PIK3C2A: variants seen among roughly 807,000 people sequenced by gnomAD.
PIK3C2A encodes the protein phosphatidylinositol-4-phosphate 3-kinase catalytic subunit type 2 alpha, also known as phosphatidylinositol 4-phosphate 3-kinase C2 domain-containing subunit alpha.
Under a neutral mutation model 204.5 loss-of-function variants are expected in PIK3C2A, and 97 were observed. That is an observed-to-expected ratio of 0.47 (90% CI 0.40 to 0.56). The LOEUF (loss-of-function observed/expected upper bound fraction) is 0.56, where lower values mean the gene tolerates loss of function less well. Ranked by LOEUF, PIK3C2A falls within the 20% of genes least tolerant of loss-of-function variation. The probability of loss-of-function intolerance (pLI) is 0.00; values close to 1 mark genes in which losing one functional copy is unlikely to be tolerated. For synonymous variants in PIK3C2A, 653 were observed against 664.4 expected (o/e 0.98, Z 0.26); for missense variants, 1,735 against 1,969.2 (o/e 0.88, Z 2.25).
intron 8 of PIK3C2A, among the ~76,000 whole-genome samples, chr11:17,143,268 T>A (rs1359173478): frequency 3.3e-5 from 5 of 152,222 alleles, no homozygotes; most frequent in African/African-American, 1.2e-4. Flanking sequence ...TAAAATCTTT[T>A]CAATTTTATC....
chr11:17,148,569 T>C, intron 5 of PIK3C2A, 98 bp downstream of exon 5: 1 of 966,072 alleles, frequency 1.0e-6, no homozygotes, highest in Non-Finnish European at 1.6e-6. Flanking sequence ...TAGGATCCAA[T>C]GTATTTCTGC....
chr11:17,138,049 G>A (rs1265732762), intron 8 of PIK3C2A: 10 of 650,490 alleles, frequency 1.5e-5, no homozygotes, highest in Admixed American at 3.7e-5. Context: ...GATAAGGAAA[G>A]CATGCTTGAT....
chr11:17,196,958 GA>G (rs1852183046), intron 1 of PIK3C2A, among the ~76,000 whole-genome samples: 1 of 152,108 alleles, frequency 6.6e-6, no homozygotes, highest in Admixed American at 6.6e-5. Context: ...TGAGCCATGG[GA>G]AAAGTGAAGA....
intron 1 of PIK3C2A, among the ~76,000 whole-genome samples, chr11:17,173,594 T>G (rs1462872442): frequency 6.6e-6 from 1 of 152,222 alleles, no homozygotes; most frequent in African/African-American, 2.4e-5. Flanking sequence ...TAAGTCTCCC[T>G]TTTTGCTTAA....
chr11:17,116,337 C>T (rs1257764591), intron 19 of PIK3C2A, among the ~76,000 whole-genome samples: 3 of 151,996 alleles, frequency 2.0e-5, no homozygotes, highest in African/African-American at 4.8e-5. Flanking sequence ...AAAACCACAA[C>T]GAGATACTGC....
At chr11:17,099,090 T>C (rs1848539868) in intron 26 of PIK3C2A, among the ~76,000 whole-genome samples, 1 of 152,190 alleles carries the variant, frequency 6.6e-6, no homozygotes, top group South Asian at 2.1e-4. Flanking sequence ...AGACGGGGTT[T>C]CTCCATGTTG....
In PIK3C2A at chr11:17,147,577, G is replaced by A. The variant is rs752183323; in HGVS notation, c.1500C>T (p.Asp500=). 8 of 1,612,700 alleles carry A rather than the reference G, an allele frequency of 5.0e-6. No individual in the cohort carries two copies. The South Asian group carries it at 5.5e-5, about 11-fold the overall frequency. The part of the protein sequence containing the change: ...HEHIQNCRKW[D]TEIRLQLLTF... ...TCAAGAGTTGTAGTCTAATTTCTGT[G>A]TCCCATTTTCGACAGTTTTGAATAT... Residue 500 remains aspartate (D), a synonymous_variant, in exon 6 of 33, where the codon GAC becomes GAT. Coordinates refer to ENST00000691414, the MANE Select transcript of PIK3C2A (RefSeq NM_002645.4).
intron 23 of PIK3C2A, 149 bp from the exon 24 acceptor site, chr11:17,102,980 G>A (rs1008851635): frequency 5.5e-6 from 3 of 550,222 alleles, no homozygotes; most frequent in Non-Finnish European, 9.3e-6. Context: ...AGTAATAAAA[G>A]CCAATCTTTT....
chr11:17,101,237 A>G, intron 25 of PIK3C2A, 41 bp downstream of exon 25: 1 of 1,138,086 alleles, frequency 8.8e-7, no homozygotes. Flanking sequence ...ACATAGATGC[A>G]TTAATATAAA....
At chr11:17,179,742 C>T (rs966690225) in intron 1 of PIK3C2A, among the ~76,000 whole-genome samples, 6 of 152,036 alleles carry the variant, frequency 3.9e-5, no homozygotes, top group African/African-American at 9.7e-5. Flanking sequence ...CTCAGCCTCC[C>T]GAGTAGCTGA....
rs747073851 is a variant in PIK3C2A, at chr11:17,094,373, G to A, written c.4339C>T (p.Arg1447Ter). ...NPDKHYIYVVRILREGQIEPS... is the reference protein window; with the variant it reads ...NPDKHYIYVV ...TCAATCTGTCCTTCCCTCAAAATTC[G>A]GACTACATAAATCTGAAAAGAAATC... is the stretch of plus-strand genomic sequence containing the variant. The change falls in exon 28 of 33, where the codon CGA (arginine) becomes TGA (stop). Residue 1447 changes from arginine (R) to a stop codon, truncating the protein, a stop_gained. Coordinates refer to ENST00000691414, the MANE Select transcript of PIK3C2A (RefSeq NM_002645.4). LOFTEE classifies it high-confidence loss of function. 2.5e-6 allele frequency: 4 copies of A among 1,608,626 alleles called. No homozygotes were observed. The highest frequency in any genetic ancestry group is 3.4e-6 in the Non-Finnish European group (4 of 1,176,902).
intron 1 of PIK3C2A, among the ~76,000 whole-genome samples, chr11:17,190,574 C>CAA (rs35193747): frequency 8.8e-6 from 1 of 114,030 alleles, no homozygotes; most frequent in Non-Finnish European, 1.9e-5. Context: ...GACTCTGTCT[C>CAA]AAAAAAAAAA....
At chr11:17,137,354 C>T (rs1849905715) in intron 8 of PIK3C2A, among the ~76,000 whole-genome samples, 3 of 151,418 alleles carry the variant, frequency 2.0e-5, no homozygotes, top group Non-Finnish European at 2.9e-5. Context: ...TTTTACTTCA[C>T]ATTCATGCAA....
Position 17,136,508 on chromosome 11 carries a change from T to C in PIK3C2A, c.1822A>G (p.Asn608Asp). The C allele has an allele frequency of 6.2e-7, 1 of 1,610,134 alleles. No individual in the cohort carries two copies. Among genetic ancestry groups the C allele is most frequent in the Non-Finnish European group, 8.5e-7 (1 of 1,176,902 alleles). ...ESVKKLKRAV[N>D]LPRSKTADVT... is the part of the protein sequence containing the mutation. ...TCAGCAGTTTTACTCCTTGGAAGATTAACTGCTCTCTTTAGCTTCTTTACT... is the reference window on the plus strand; with the variant it reads ...TCAGCAGTTTTACTCCTTGGAAGATCAACTGCTCTCTTTAGCTTCTTTACT... The change falls in exon 9 of 33, where the codon AAT becomes GAT. Residue 608 changes from asparagine (N) to aspartate (D), a missense_variant. This residue lies in a region of PIK3C2A where 10 missense variants were observed against 28.1 expected (regional missense o/e 0.36). Coordinates refer to ENST00000691414, the MANE Select transcript of PIK3C2A (RefSeq NM_002645.4).
chr11:17,111,446 A>T (rs1210836113), intron 21 of PIK3C2A, among the ~76,000 whole-genome samples: 1 of 152,226 alleles, frequency 6.6e-6, no homozygotes, highest in African/African-American at 2.4e-5. Flanking sequence ...AAAATGAATT[A>T]CTTTTTAACT....
intron 13 of PIK3C2A, among the ~76,000 whole-genome samples, chr11:17,124,896 C>A (rs550666893): frequency 1.3e-3 from 191 of 152,288 alleles, no homozygotes; most frequent in African/African-American, 4.4e-3. Flanking sequence ...GGTGTCATTT[C>A]ACATGTCCTC....
chr11:17,194,153 G>A, intron 1 of PIK3C2A: 1 of 742,774 alleles, frequency 1.3e-6, no homozygotes, highest in East Asian at 3.9e-5. Flanking sequence ...CCCCAAGCTT[G>A]GGAAGCGTGC....
At chr11:17,113,799 A>G (rs1006770013) in intron 20 of PIK3C2A, among the ~76,000 whole-genome samples, 2 of 148,050 alleles carry the variant, frequency 1.4e-5, no homozygotes, top group Non-Finnish European at 3.0e-5. Flanking sequence ...AAAAAAAAAA[A>G]GGCCAGGCAT....
At chr11:17,149,712 C>CA (rs1416077166) in intron 4 of PIK3C2A, among the ~76,000 whole-genome samples, 1 of 151,838 alleles carries the variant, frequency 6.6e-6, no homozygotes, top group Non-Finnish European at 1.5e-5. Flanking sequence ...GACTCTCTCT[C>CA]AAAAAACAAC....
Sources: allele counts gnomAD v4.1 joint callset (sites outside exome capture counted in the v4.1 genomes callset), GRCh38; gene constraint gnomAD v4.1.1; regional missense constraint gnomAD v4.1.1; transcripts MANE v1.5; gene names NCBI Gene and HGNC (gene_info 2026-07-23, HGNC 2026-07-21).